NAV3: variants seen among roughly 807,000 people sequenced by gnomAD.
NAV3 encodes neuron navigator 3, also known as pore membrane and/or filament interacting like protein 1.
In NAV3, 87 loss-of-function variants were observed where a neutral mutation model predicts 244.7. The ratio of observed to expected loss-of-function variants is 0.36; its 90% CI spans 0.30 to 0.42. The LOEUF is 0.42. Among genes scored for constraint, NAV3 ranks in the 20% least tolerant of loss-of-function variants. The pLI is 1.00. For missense variants in NAV3, 2,663 were observed against 2,893.3 expected, an observed-to-expected ratio of 0.92 and a Z score of 1.83; for synonymous variants, 1,126 against 1,042.2, an observed-to-expected ratio of 1.08 and a Z score of -1.55.
chr12:77,887,119 A>G (rs1341867908), intron 1 of NAV3, among the ~76,000 whole-genome samples: 2 of 152,182 alleles, frequency 1.3e-5, no homozygotes, highest in African/African-American at 2.4e-5. Context: ...TTTTCAGCAT[A>G]GGTGCATTTA....
intron 2 of NAV3, among the ~76,000 whole-genome samples, chr12:77,677,215 G>A (rs1401948515): frequency 1.3e-5 from 2 of 152,138 alleles, no homozygotes; most frequent in Non-Finnish European, 2.9e-5. Context: ...AGTATATCTA[G>A]GCACAGCCTA....
At chr12:77,705,725 T>G (rs1875767204) in intron 2 of NAV3, among the ~76,000 whole-genome samples, 1 of 151,390 alleles carries the variant, frequency 6.6e-6, no homozygotes, top group Admixed American at 6.6e-5. Context: ...CACTTGAGCT[T>G]TCTAACGGCT....
chr12:77,720,674 G>A (rs910436534), intron 2 of NAV3, among the ~76,000 whole-genome samples: 1 of 152,230 alleles, frequency 6.6e-6, no homozygotes, highest in Non-Finnish European at 1.5e-5. Context: ...GAAGCTGAGA[G>A]TTTTTCCCAC....
At chr12:77,909,103 G>C (rs945637430) in intron 1 of NAV3, among the ~76,000 whole-genome samples, 1 of 151,960 alleles carries the variant, frequency 6.6e-6, no homozygotes, top group African/African-American at 2.4e-5. Flanking sequence ...TGAATATAAA[G>C]CCCCTTATAT....
chr12:77,776,749 G>C (rs746486386), intron 2 of NAV3, among the ~76,000 whole-genome samples: 21 of 152,154 alleles, frequency 1.4e-4, no homozygotes, highest in Admixed American at 4.6e-4. Flanking sequence ...GGGAGGCCGA[G>C]GTGGGCGGGT....
intron 12 of NAV3, among the ~76,000 whole-genome samples, chr12:78,102,583 G>C (rs186709364): frequency 6.6e-6 from 1 of 152,298 alleles, no homozygotes; most frequent in East Asian, 1.9e-4. Flanking sequence ...AGACTCTGTG[G>C]GGGCTCTGAC....
chr12:77,753,734 G>A (rs927561934), intron 2 of NAV3, among the ~76,000 whole-genome samples: 4 of 152,138 alleles, frequency 2.6e-5, no homozygotes, highest in African/African-American at 9.7e-5. Context: ...TGGCACACAA[G>A]TGGTACCATT....
chr12:77,718,503 C>T (rs1367581181), intron 2 of NAV3, among the ~76,000 whole-genome samples: 1 of 152,066 alleles, frequency 6.6e-6, no homozygotes, highest in African/African-American at 2.4e-5. Context: ...GGAGGTTAGG[C>T]AGTGTGAGGC....
chr12:77,798,670 A>G (rs957266183), intron 2 of NAV3, among the ~76,000 whole-genome samples: 36 of 152,140 alleles, frequency 2.4e-4, no homozygotes, highest in African/African-American at 8.7e-4. Flanking sequence ...AACAAATGCT[A>G]TAATTATTGT....
chr12:78,040,075 T>G (rs2137065493), intron 9 of NAV3, among the ~76,000 whole-genome samples: 1 of 152,274 alleles, frequency 6.6e-6, no homozygotes, highest in Non-Finnish European at 1.5e-5. Context: ...TGCAATTGTG[T>G]TTTTCCCCCA....
At chr12:78,158,199 A>G (rs1477347855) in intron 22 of NAV3, among the ~76,000 whole-genome samples, 1 of 152,082 alleles carries the variant, frequency 6.6e-6, no homozygotes, top group African/African-American at 2.4e-5. Context: ...TTGGCCAAGG[A>G]TTTCCAAATT....
intron 2 of NAV3, among the ~76,000 whole-genome samples, chr12:77,715,969 C>A (rs1374555095): frequency 1.3e-5 from 2 of 151,910 alleles, no homozygotes; most frequent in Non-Finnish European, 2.9e-5. Context: ...AGAGTTGGGA[C>A]CATTATCAAG....
At chr12:77,775,235 T>C (rs868133891) in intron 2 of NAV3, among the ~76,000 whole-genome samples, 1 of 151,928 alleles carries the variant, frequency 6.6e-6, no homozygotes, top group South Asian at 2.1e-4. Context: ...CCACTAAAAA[T>C]AGAAAAATTA....
chr12:77,725,616 C>G (rs1205359552), intron 2 of NAV3, among the ~76,000 whole-genome samples: 1 of 151,314 alleles, frequency 6.6e-6, no homozygotes, highest in African/African-American at 2.4e-5. Context: ...GCTCGCAAAC[C>G]ATTCAAAATT....
chr12:78,090,156 C>A (rs1040612443), intron 12 of NAV3, among the ~76,000 whole-genome samples: 2 of 150,094 alleles, frequency 1.3e-5, no homozygotes, highest in African/African-American at 4.9e-5. Flanking sequence ...TGCCCAAATA[C>A]ATACATATAT....
At chr12:77,782,597 G>A (rs1322337607) in intron 2 of NAV3, among the ~76,000 whole-genome samples, 1 of 152,126 alleles carries the variant, frequency 6.6e-6, no homozygotes, top group African/African-American at 2.4e-5. Flanking sequence ...CTGTACACTG[G>A]TAGCTTACTT....
At chr12:77,609,466 A>G (rs977827069) in intron 2 of NAV3, among the ~76,000 whole-genome samples, 2 of 152,060 alleles carry the variant, frequency 1.3e-5, no homozygotes, top group African/African-American at 4.8e-5. Flanking sequence ...ATCCACTGTT[A>G]AATGTTTGAA....
At chr12:77,934,296 C>T in intron 1 of NAV3, among the ~76,000 whole-genome samples, 1 of 152,096 alleles carries the variant, frequency 6.6e-6, no homozygotes, top group East Asian at 1.9e-4. Context: ...TCTTCTGTGC[C>T]CTTTTTGCTT....
At chr12:77,925,545 G>A (rs911712231) in intron 1 of NAV3, among the ~76,000 whole-genome samples, 18 of 151,766 alleles carry the variant, frequency 1.2e-4, no homozygotes. Context: ...AAGGCGGGGG[G>A]AGGTTTAGGG....
Sources: gnomAD v4.1 joint callset for allele counts (sites outside exome capture counted in the v4.1 genomes callset) on GRCh38, gnomAD v4.1.1 for gene constraint, MANE v1.5 for transcripts, NCBI Gene and HGNC (gene_info 2026-07-23, HGNC 2026-07-21) for gene names.